The following ADGRB3 variants were observed in gnomAD, a reference collection of about 807,000 sequenced individuals.
ADGRB3 encodes the protein brain-specific angiogenesis inhibitor 3.
Under a neutral mutation model 193.4 loss-of-function variants are expected in ADGRB3, and 37 were observed. The ratio of observed to expected loss-of-function variants is 0.19; its 90% CI spans 0.15 to 0.25. The LOEUF (loss-of-function observed/expected upper bound fraction) is 0.25, where lower values mean the gene tolerates loss of function less well. Ranked by LOEUF, ADGRB3 falls within the 10% of genes least tolerant of loss-of-function variation. The pLI is 1.00. For missense variants in ADGRB3, 1,637 were observed against 1,852.9 expected (o/e 0.88, Z 2.14); for synonymous variants, 690 against 644.2 (o/e 1.07, Z -1.08).
chr6:68,773,351 C>A (rs1253261838), intron 3 of ADGRB3, among the ~76,000 whole-genome samples: 2 of 151,970 alleles, frequency 1.3e-5, no homozygotes, highest in African/African-American at 4.8e-5. Flanking sequence ...ACTATGTGCG[C>A]AAAATTTATA....
chr6:68,648,263 G>C (rs1439572539), intron 3 of ADGRB3, among the ~76,000 whole-genome samples: 3 of 152,122 alleles, frequency 2.0e-5, no homozygotes, highest in Non-Finnish European at 4.4e-5. Context: ...AATGTTTGCT[G>C]ATGTGCATTT....
chr6:69,025,856 C>T (rs751232330), intron 13 of ADGRB3, among the ~76,000 whole-genome samples: 7 of 152,146 alleles, frequency 4.6e-5, no homozygotes, highest in Non-Finnish European at 8.8e-5. Flanking sequence ...TCTAATTCCA[C>T]ATGGTTGGGG....
chr6:69,026,948 A>G (rs1770449212), intron 13 of ADGRB3, among the ~76,000 whole-genome samples: 1 of 152,210 alleles, frequency 6.6e-6, no homozygotes, highest in Non-Finnish European at 1.5e-5. Context: ...GTGAGGGTGT[A>G]GGAAATTACT....
At chr6:68,825,162 G>A (rs1018955665) in intron 3 of ADGRB3, among the ~76,000 whole-genome samples, 3 of 152,052 alleles carry the variant, frequency 2.0e-5, no homozygotes, top group Non-Finnish European at 2.9e-5. Context: ...CCGCCAATCT[G>A]AGCCTCTTAT....
intron 3 of ADGRB3, among the ~76,000 whole-genome samples, chr6:68,743,365 A>G (rs192833134): frequency 6.6e-6 from 1 of 150,476 alleles, no homozygotes; most frequent in East Asian, 1.9e-4. Flanking sequence ...GTGTGTGTGT[A>G]TATCCAGAAA....
rs140472133 is a variant in ADGRB3 at position 68,666,397 on chromosome 6, G to A, written c.757+26965G>A. On this transcript the variant is annotated intron_variant, in intron 3 of 31. Coordinates refer to ENST00000370598, the MANE Select transcript of ADGRB3 (RefSeq NM_001704.3). ...ATTAAAGTTGTCTATTCATGTGACT[G>A]TTCCCATTTAGAAGAGAGTTGAACA... Among the ~76,000 whole-genome samples, 49 of 151,918 alleles carry A rather than the reference G, an allele frequency of 3.2e-4. 1 individual carries two copies. Among genetic ancestry groups the A allele is most frequent in the Middle Eastern group, 3.4e-3 (1 of 294 alleles).
intron 3 of ADGRB3, among the ~76,000 whole-genome samples, chr6:68,896,748 A>G (rs948022948): frequency 4.6e-5 from 7 of 152,164 alleles, no homozygotes; most frequent in African/African-American, 1.7e-4. Flanking sequence ...GTAGCATTCT[A>G]AATCATCGCC....
intron 3 of ADGRB3, among the ~76,000 whole-genome samples, chr6:68,691,608 C>G (rs1222126480): frequency 1.3e-5 from 2 of 151,866 alleles, no homozygotes; most frequent in Non-Finnish European, 2.9e-5. Flanking sequence ...ACTATCTTAA[C>G]CAACAATTTT....
chr6:69,365,095 CAA>C (rs2127335332), intron 29 of ADGRB3, among the ~76,000 whole-genome samples: 1 of 152,092 alleles, frequency 6.6e-6, no homozygotes, highest in African/African-American at 2.4e-5. Context: ...TTTTTTCACT[CAA>C]GAGTCTTTCC....
intron 10 of ADGRB3, among the ~76,000 whole-genome samples, chr6:68,976,047 G>A (rs868730867): frequency 7.9e-5 from 12 of 152,180 alleles, no homozygotes; most frequent in African/African-American, 1.9e-4. Context: ...ACTGTAGGGT[G>A]TAGAACAAAA....
intron 17 of ADGRB3, among the ~76,000 whole-genome samples, chr6:69,136,962 T>C (rs1160595364): frequency 6.6e-6 from 1 of 152,044 alleles, no homozygotes; most frequent in Non-Finnish European, 1.5e-5. Context: ...TCACTGGTGG[T>C]TTCCTCCTTT....
intron 20 of ADGRB3, among the ~76,000 whole-genome samples, chr6:69,303,936 T>C (rs1768006171): frequency 6.6e-6 from 1 of 151,950 alleles, no homozygotes; most frequent in Admixed American, 6.6e-5. Context: ...GAGTGCTTTC[T>C]AGAACTCGAA....
At chr6:69,050,665 G>A (rs921066744) in intron 15 of ADGRB3, among the ~76,000 whole-genome samples, 2 of 152,018 alleles carry the variant, frequency 1.3e-5, no homozygotes, top group Admixed American at 6.6e-5. Context: ...TTTCAACAGG[G>A]AATTCGTTTA....
At chr6:68,669,763 G>A (rs977748748) in intron 3 of ADGRB3, among the ~76,000 whole-genome samples, 18 of 151,658 alleles carry the variant, frequency 1.2e-4, no homozygotes, top group African/African-American at 1.7e-4. Flanking sequence ...ATATCTCTTC[G>A]ATGTATTGAT....
intron 17 of ADGRB3, among the ~76,000 whole-genome samples, chr6:69,156,658 T>C (rs949790453): frequency 1.3e-5 from 2 of 152,208 alleles, no homozygotes; most frequent in South Asian, 4.1e-4. Flanking sequence ...TTTGATTTTT[T>C]ACACAATCCC....
intron 3 of ADGRB3, among the ~76,000 whole-genome samples, chr6:68,773,673 G>T (rs555470167): frequency 5.9e-5 from 9 of 152,248 alleles, no homozygotes; most frequent in Admixed American, 4.6e-4. Flanking sequence ...AAGTTGTTGT[G>T]GAAAGTACAT....
Position 69,018,509 on chromosome 6 carries a change from A to G in ADGRB3, c.2107+10A>G, listed in dbSNP as rs1770162386. The G allele has an allele frequency of 1.9e-6, 3 of 1,564,830 alleles. No homozygotes were observed. The highest frequency in any genetic ancestry group is 4.5e-5 in the East Asian group (2 of 44,422). On this transcript the variant is annotated intron_variant, in intron 13 of 31. Coordinates refer to ENST00000370598, the MANE Select transcript of ADGRB3 (RefSeq NM_001704.3). ...ATGACTGGAAATGTAGGTAAGAAAT[A>G]GGATTTTCCCCCAAAATCTTTCTGA...
At chr6:68,782,283 C>A (rs1168113206) in intron 3 of ADGRB3, among the ~76,000 whole-genome samples, 2 of 151,702 alleles carry the variant, frequency 1.3e-5, no homozygotes, top group African/African-American at 4.8e-5. Context: ...TCATCTATGT[C>A]CCTACAAAGG....
intron 3 of ADGRB3, among the ~76,000 whole-genome samples, chr6:68,760,004 G>A (rs1186195782): frequency 1.3e-5 from 2 of 151,870 alleles, no homozygotes; most frequent in Non-Finnish European, 2.9e-5. Flanking sequence ...GTTTTATTCT[G>A]GCCAATGTAC....
Sources: allele counts gnomAD v4.1 joint callset (sites outside exome capture counted in the v4.1 genomes callset), GRCh38; gene constraint gnomAD v4.1.1; transcripts MANE v1.5; gene names NCBI Gene and HGNC (gene_info 2026-07-23, HGNC 2026-07-21).